Variants in PLEKHA5 observed in about 807,000 individuals in gnomAD.
PLEKHA5 encodes pleckstrin homology domain-containing family A member 5.
A neutral mutation model predicts 181.9 loss-of-function variants in PLEKHA5; 55 were observed. That is an observed-to-expected ratio of 0.30 (90% CI 0.24 to 0.38). The LOEUF (loss-of-function observed/expected upper bound fraction) is 0.38. Ranked by LOEUF, PLEKHA5 falls within the 10% of genes least tolerant of loss-of-function variation. PLEKHA5 has a pLI of 1.00. For synonymous variants in PLEKHA5, 535 were observed against 529.4 expected (o/e 1.01, Z -0.15); for missense variants, 1,432 against 1,549.5 (o/e 0.92, Z 1.27).
At chr12:19,135,434 T>G (rs1347119036) in intron 3 of PLEKHA5, among the ~76,000 whole-genome samples, 1 of 152,116 alleles carries the variant, frequency 6.6e-6, no homozygotes. Flanking sequence ...TTTTGTACTG[T>G]TCTGGGATTT....
intron 3 of PLEKHA5, among the ~76,000 whole-genome samples, chr12:19,189,092 G>C (rs2050486587): frequency 6.6e-6 from 1 of 152,168 alleles, no homozygotes; most frequent in Non-Finnish European, 1.5e-5. Context: ...TAGTTTACCA[G>C]AGAAGAATCT....
At chr12:19,262,913 A>T (rs2068956127) in intron 7 of PLEKHA5, among the ~76,000 whole-genome samples, 1 of 152,228 alleles carries the variant, frequency 6.6e-6, no homozygotes. Context: ...AGCCATGCTG[A>T]GTCTGAGATT....
chr12:19,195,727 A>G (rs1212467930), intron 3 of PLEKHA5, among the ~76,000 whole-genome samples: 3 of 151,774 alleles, frequency 2.0e-5, no homozygotes, highest in Admixed American at 6.6e-5. Flanking sequence ...GGCTATTAAC[A>G]TATACCATTC....
chr12:19,311,854 A>G (rs1422254387), intron 15 of PLEKHA5, among the ~76,000 whole-genome samples: 1 of 152,126 alleles, frequency 6.6e-6, no homozygotes, highest in East Asian at 1.9e-4. Flanking sequence ...AGAATGGTGA[A>G]TTCTTTCCAG....
chr12:19,251,317 G>A (rs1236925582), intron 3 of PLEKHA5, among the ~76,000 whole-genome samples: 3 of 151,466 alleles, frequency 2.0e-5, no homozygotes, highest in Admixed American at 6.6e-5. Context: ...TGAGGCAGGA[G>A]GATCCTTTGA....
At chr12:19,316,462 A>C (rs1373230916) in intron 16 of PLEKHA5, among the ~76,000 whole-genome samples, 2 of 152,200 alleles carry the variant, frequency 1.3e-5, no homozygotes, top group Admixed American at 1.3e-4. Flanking sequence ...TGAGACTGGC[A>C]CATTATAGCA....
Position 19,359,427 on chromosome 12 carries a change from G to A in PLEKHA5, c.3364G>A (p.Asp1122Asn). Residue 1122 changes from aspartate to asparagine, a missense_variant, in exon 28 of 32, where the codon GAT becomes AAT. Transcript: ENST00000429027. ...FRTTQTRRRD[D>N]KELDTAIREN... ...TTTTGAGCAGACTCGAAGGAGGGATGATAAGGAACTGGACACTGCCATTAG... is the reference window on the plus strand; with the variant it reads ...TTTTGAGCAGACTCGAAGGAGGGATAATAAGGAACTGGACACTGCCATTAG... 1 of 1,613,446 alleles carries A rather than the reference G, an allele frequency of 6.2e-7. No individual in the cohort carries two copies. The highest frequency in any genetic ancestry group is 8.5e-7 in the Non-Finnish European group (1 of 1,179,442).
intron 18 of PLEKHA5, among the ~76,000 whole-genome samples, chr12:19,321,165 C>CA (rs964771312): frequency 0.021 from 2,741 of 127,638 alleles, 81 homozygotes; most frequent in African/African-American, 0.071. Context: ...GACCCTGCCT[C>CA]AAAAAAAAAA....
At chr12:19,292,470 A>G (rs191634134) in intron 15 of PLEKHA5, among the ~76,000 whole-genome samples, 1 of 152,242 alleles carries the variant, frequency 6.6e-6, no homozygotes, top group East Asian at 1.9e-4. Flanking sequence ...AGATGGGTGA[A>G]GTGTGTAGTG....
In PLEKHA5 at chr12:19,320,561, G is replaced by T. The variant is rs1183096347; in HGVS notation, c.2155-1G>T. Reference sequence around the variant, plus strand: ...GTTGCTATATGATTTTTTTCTTATAGCTGTCACAAGATGAAGGTAGAGGCA... The same window carrying T: ...GTTGCTATATGATTTTTTTCTTATATCTGTCACAAGATGAAGGTAGAGGCA... On this transcript the variant is annotated splice_acceptor_variant, in intron 17 of 31. Transcript: ENST00000429027. LOFTEE classifies it high-confidence loss of function. 2 of 1,456,980 alleles carry T rather than the reference G, an allele frequency of 1.4e-6. No individual in the cohort carries two copies. Among genetic ancestry groups the T allele is most frequent in the Admixed American group, 1.8e-5 (1 of 54,820 alleles). 90.3% of individuals were successfully genotyped at this position (1,456,980 alleles called of 1,614,324 possible).
Position 19,274,711 on chromosome 12 carries a change from T to A in PLEKHA5, c.1041T>A (p.Ile347=), listed in dbSNP as rs2074037437. Residue 347 remains isoleucine (I), a synonymous_variant, in exon 11 of 32, where the codon ATT becomes ATA. Coordinates refer to ENST00000429027, the MANE Select transcript of PLEKHA5 (RefSeq NM_001256470.2). The part of the protein sequence containing the change: ...KDGQDRPLTK[I]NSVKLNSLPS... Reference sequence around the variant, plus strand: ...GTCAAGATAGACCCTTAACAAAAATTAATAGTGTAAAGCTGAATTCTCTGC... The same window carrying A: ...GTCAAGATAGACCCTTAACAAAAATAAATAGTGTAAAGCTGAATTCTCTGC... 7 of 1,613,946 alleles carry A rather than the reference T, an allele frequency of 4.3e-6. No homozygotes were observed. The highest frequency in any genetic ancestry group is 5.9e-6 in the Non-Finnish European group (7 of 1,179,908).
rs374188584 is a variant in PLEKHA5, at chr12:19,359,365, A to G, written c.3349-47A>G. 3.4e-5 allele frequency: 51 copies of G among 1,500,048 alleles called. 1 individual carries two copies. In the South Asian group the frequency reaches 3.8e-4, roughly 11 times the overall value. The allele number at this position is 1,500,048 out of a possible 1,614,324, so 92.9% of individuals were successfully genotyped here. On this transcript the variant is annotated intron_variant, in intron 27 of 31. Transcript: ENST00000429027. ...AACAGGCACTATTTATAAAATATAC[A>G]TGCATGCACAGTATGAGTATAAAAA...
chr12:19,261,916 G>A lies in PLEKHA5; in HGVS notation c.610+895G>A, dbSNP rs149796217. ...TTCAAAATTTGGAATTACTAGAATT[G>A]TTTCCATCTGCAAATTGTAGTTGAG... On this transcript the variant is annotated intron_variant, in intron 7 of 31. Transcript: ENST00000429027. 9.2e-5 allele frequency among the ~76,000 whole-genome samples: 14 copies of A among 152,238 alleles called. No individual in the cohort carries two copies. In the East Asian group the frequency reaches 2.1e-3, roughly 23 times the overall value.
chr12:19,230,738 C>A (rs189789547), intron 3 of PLEKHA5, among the ~76,000 whole-genome samples: 1 of 152,104 alleles, frequency 6.6e-6, no homozygotes, highest in African/African-American at 2.4e-5. Context: ...GCACCTCTCC[C>A]TCCACCCCTC....
At chr12:19,242,350 T>A (rs371321140) in intron 3 of PLEKHA5, among the ~76,000 whole-genome samples, 2 of 152,098 alleles carry the variant, frequency 1.3e-5, no homozygotes, top group South Asian at 2.1e-4. Context: ...GCAATACTCA[T>A]GCCTCATCCT....
At chr12:19,207,197 G>A (rs1439136237) in intron 3 of PLEKHA5, 1 of 151,994 alleles carries the variant, frequency 6.6e-6, no homozygotes, top group Non-Finnish European at 1.5e-5. Flanking sequence ...TAAACTTGAT[G>A]ATCACAAAAT....
At chr12:19,217,446 A>G (rs1565478560) in intron 3 of PLEKHA5, among the ~76,000 whole-genome samples, 1 of 152,250 alleles carries the variant, frequency 6.6e-6, no homozygotes, top group Non-Finnish European at 1.5e-5. Flanking sequence ...GCCTGAGCAC[A>G]TAAATGCTTA....
At chr12:19,204,791 T>C (rs532784142) in intron 3 of PLEKHA5, among the ~76,000 whole-genome samples, 4 of 152,268 alleles carry the variant, frequency 2.6e-5, no homozygotes, top group African/African-American at 9.6e-5. Flanking sequence ...TATTAGTCTT[T>C]ATTAATATTT....
In PLEKHA5 at chr12:19,251,406, C is replaced by CA. The variant is rs35113109; in HGVS notation, c.228-2519dup. 5.5e-3 allele frequency among the ~76,000 whole-genome samples: 690 copies of CA among 124,742 alleles called. 4 individuals are homozygous for CA. Among genetic ancestry groups the CA allele is most frequent in the African/African-American group, 0.019 (646 of 33,490 alleles). The allele number at this position is 124,742 out of a possible 152,430, so 81.8% of individuals were successfully genotyped here. A position where few individuals can be genotyped will look rare whatever the true frequency, so the allele number is the denominator to read the frequency against. On this transcript the variant is annotated intron_variant, in intron 3 of 31. Coordinates refer to ENST00000429027, the MANE Select transcript of PLEKHA5 (RefSeq NM_001256470.2). Reference sequence around the variant, plus strand: ...TGGGCAACAGAGCAAAACTCTGTCTCAAAAAAAAAAAAAAAGAAAAGAAAA... The same window carrying CA: ...TGGGCAACAGAGCAAAACTCTGTCTCAAAAAAAAAAAAAAAAGAAAAGAAAA...
Sources: gnomAD v4.1 joint callset for allele counts (sites outside exome capture counted in the v4.1 genomes callset) on GRCh38, gnomAD v4.1.1 for gene constraint, MANE v1.5 for transcripts, NCBI Gene and HGNC (gene_info 2026-07-23, HGNC 2026-07-21) for gene names.